Variants in OTOP1 observed in about 807,000 individuals in gnomAD.
The protein encoded by OTOP1 is proton channel OTOP1.
In OTOP1, 59 loss-of-function variants were observed where a neutral mutation model predicts 52.9. That is an observed-to-expected ratio of 1.12 (90% CI 0.91 to 1.39). The LOEUF (loss-of-function observed/expected upper bound fraction) is 1.39. Among genes scored for constraint, OTOP1 ranks in the 40% most tolerant of loss-of-function variants. OTOP1 has a pLI of 0.00. For synonymous variants in OTOP1, 317 were observed against 337.7 expected (o/e 0.94, Z 0.67); for missense variants, 761 against 800.9 (o/e 0.95, Z 0.60).
intron 5 of OTOP1, among the ~76,000 whole-genome samples, chr4:4,193,644 A>C (rs1716560181): frequency 6.6e-6 from 1 of 152,128 alleles, no homozygotes; most frequent in African/African-American, 2.4e-5. Context: ...AATCCCCCAG[A>C]ACCCAACCAG....
chr4:4,220,011 GTA>G (rs67667710), intron 1 of OTOP1, among the ~76,000 whole-genome samples: 99,883 of 130,638 alleles, frequency 0.76, 38,695 homozygotes, highest in African/African-American at 0.88. Context: ...ACATATATAT[GTA>G]TATACATGTA....
chr4:4,195,372 G>T (rs1036807230), intron 5 of OTOP1, among the ~76,000 whole-genome samples: 1 of 152,188 alleles, frequency 6.6e-6, no homozygotes, highest in African/African-American at 2.4e-5. Context: ...GTGAGTGACT[G>T]TACACCTTCC....
intron 1 of OTOP1, among the ~76,000 whole-genome samples, chr4:4,225,962 A>G (rs1577187680): frequency 6.6e-6 from 1 of 152,186 alleles, no homozygotes; most frequent in Non-Finnish European, 1.5e-5. Flanking sequence ...GGCAGGTGGG[A>G]AAGTGGAAAA....
At chr4:4,214,781 G>T (rs538883116) in intron 1 of OTOP1, among the ~76,000 whole-genome samples, 1 of 152,232 alleles carries the variant, frequency 6.6e-6, no homozygotes, top group East Asian at 1.9e-4. Context: ...AATGGTGGTT[G>T]CCAGGTGCTA....
At chr4:4,220,711 C>T (rs562856190) in intron 1 of OTOP1, among the ~76,000 whole-genome samples, 5 of 152,266 alleles carry the variant, frequency 3.3e-5, no homozygotes, top group Non-Finnish European at 5.9e-5. Context: ...TGCATTAGAA[C>T]CAATTAGAAA....
chr4:4,221,531 G>T (rs1209846093), intron 1 of OTOP1, among the ~76,000 whole-genome samples: 2 of 152,116 alleles, frequency 1.3e-5, no homozygotes, highest in African/African-American at 4.8e-5. Flanking sequence ...CAGGCCCCTG[G>T]TTGCAGCCCT....
chr4:4,222,285 G>C (rs184059859), intron 1 of OTOP1, among the ~76,000 whole-genome samples: 1 of 152,190 alleles, frequency 6.6e-6, no homozygotes, highest in South Asian at 2.1e-4. Context: ...TGAAACTATC[G>C]GGAGAGGCTT....
intron 5 of OTOP1, among the ~76,000 whole-genome samples, chr4:4,192,946 G>A (rs923560085): frequency 6.6e-6 from 1 of 152,110 alleles, no homozygotes; most frequent in African/African-American, 2.4e-5. Flanking sequence ...AGAATAACCT[G>A]GAAATGGATG....
intron 1 of OTOP1, among the ~76,000 whole-genome samples, chr4:4,224,260 T>C (rs538739472): frequency 6.6e-6 from 1 of 150,976 alleles, no homozygotes; most frequent in Admixed American, 6.6e-5. Flanking sequence ...GGCAGGAGAA[T>C]CGTTTGAACC....
At chr4:4,195,917 C>T (rs1716612933) in intron 5 of OTOP1, among the ~76,000 whole-genome samples, 1 of 152,134 alleles carries the variant, frequency 6.6e-6, no homozygotes, top group Non-Finnish European at 1.5e-5. Context: ...AGGAAAGAGA[C>T]TGAGTCTTTC....
At chr4:4,190,967 A>C (rs866763025) in intron 5 of OTOP1, among the ~76,000 whole-genome samples, 2 of 152,078 alleles carry the variant, frequency 1.3e-5, no homozygotes, top group Non-Finnish European at 1.5e-5. Context: ...CTATAGGCCT[A>C]TGACTTCCCA....
chr4:4,224,044 G>C (rs1044602920), intron 1 of OTOP1, among the ~76,000 whole-genome samples: 5 of 150,776 alleles, frequency 3.3e-5, no homozygotes, highest in Admixed American at 2.7e-4. Flanking sequence ...GAAAGAAAAT[G>C]AGGAAAAAAA....
intron 2 of OTOP1, among the ~76,000 whole-genome samples, chr4:4,208,451 G>T (rs1248376689): frequency 5.3e-5 from 8 of 152,142 alleles, no homozygotes; most frequent in African/African-American, 1.9e-4. Context: ...CCTTAAAAAG[G>T]AAGAAAATTC....
intron 4 of OTOP1, among the ~76,000 whole-genome samples, chr4:4,200,562 T>C (rs1283014952): frequency 6.6e-6 from 1 of 151,492 alleles, no homozygotes; most frequent in Non-Finnish European, 1.5e-5. Context: ...TCTTTTTTTT[T>C]TTTCTTTTTT....
In OTOP1 at chr4:4,226,482, G is replaced by C. The variant is rs756773865; in HGVS notation, c.383C>G (p.Ala128Gly). The change falls in exon 1 of 6, where the codon GCG (alanine) becomes GGG (glycine). Residue 128 changes from alanine (A) to glycine (G), a missense_variant. By Grantham distance (60) the Ala-to-Gly change is moderately conservative. Transcript: ENST00000296358. ...CTCACCGCGCAGCCAGCCGGCACCC[G>C]CGTGCGTGTCCTTGAGGCGGAAGAG... Reference protein sequence around the residue: ...RRLFRLKDTHAGAGWLRGSIT... With the variant: ...RRLFRLKDTHGGAGWLRGSIT... 1 of 1,539,650 alleles carries C rather than the reference G, an allele frequency of 6.5e-7. No homozygotes were observed. The highest frequency in any genetic ancestry group is 8.7e-7 in the Non-Finnish European group (1 of 1,151,360).
At chr4:4,221,230 A>G (rs1717295419) in intron 1 of OTOP1, among the ~76,000 whole-genome samples, 2 of 151,570 alleles carry the variant, frequency 1.3e-5, no homozygotes, top group Admixed American at 6.6e-5. Context: ...CAGGCACTCC[A>G]CATAGCGAGA....
chr4:4,206,162 C>T (rs149266808), intron 2 of OTOP1, 32 bp from the exon 3 acceptor site: 32 of 1,521,606 alleles, frequency 2.1e-5, no homozygotes, highest in Admixed American at 6.9e-5. Context: ...AAAGAAAAAT[C>T]GGTGAGACAC....
At chr4:4,203,925 C>T (rs189070905) in intron 3 of OTOP1, among the ~76,000 whole-genome samples, 7 of 152,284 alleles carry the variant, frequency 4.6e-5, no homozygotes, top group African/African-American at 7.2e-5. Flanking sequence ...GGCATTCAGC[C>T]GTAGTCTTGA....
chr4:4,197,840 A>T lies in OTOP1; in HGVS notation c.994T>A (p.Tyr332Asn), dbSNP rs1716683161. Residue 332 changes from tyrosine to asparagine, a missense_variant, in exon 5 of 6, where the codon TAC becomes AAC. By Grantham distance (143) the Tyr-to-Asn change is moderately radical. Around this residue, in one of 3 missense-constraint regions of OTOP1, gnomAD observed 632 missense variants for 619.5 expected, o/e 1.02. Coordinates refer to ENST00000296358, the MANE Select transcript of OTOP1 (RefSeq NM_177998.3). ...TTGGAGCGCCCAATATGAATCAGGT[A>T]TACCACCACCACAGCAATGGTGGCG... is the stretch of plus-strand genomic sequence containing the variant. ...LAATIAVVVVYLIHIGRSKTK... is the reference protein window; with the variant it reads ...LAATIAVVVVNLIHIGRSKTK... The T allele has an allele frequency of 6.2e-7, 1 of 1,613,922 alleles. No individual in the cohort carries two copies. Among genetic ancestry groups the T allele is most frequent in the African/African-American group, 1.3e-5 (1 of 74,862 alleles).
Sources: allele counts gnomAD v4.1 joint callset (sites outside exome capture counted in the v4.1 genomes callset), GRCh38; gene constraint gnomAD v4.1.1; regional missense constraint gnomAD v4.1.1; transcripts MANE v1.5; gene names NCBI Gene and HGNC (gene_info 2026-07-23, HGNC 2026-07-21).